The following C4orf33 variants were observed in gnomAD, a reference collection of about 807,000 sequenced individuals.
C4orf33 encodes the protein UPF0462 protein C4orf33.
Under a neutral mutation model 24.3 loss-of-function variants are expected in C4orf33, and 20 were observed. The observed-to-expected ratio is 0.82, with a 90% CI of 0.58 to 1.19. The LOEUF (loss-of-function observed/expected upper bound fraction) is 1.19. C4orf33 is among the 50% of genes most tolerant of loss of function. The probability of loss-of-function intolerance (pLI) is 0.00; values close to 1 mark genes in which losing one functional copy is unlikely to be tolerated. For synonymous variants in C4orf33, 67 were observed against 76.4 expected (o/e 0.88, Z 0.64); for missense variants, 207 against 225.9 (o/e 0.92, Z 0.54).
chr4:129,111,957 G>C lies in C4orf33; in HGVS notation c.*166G>C. On this transcript the variant is annotated 3_prime_UTR_variant, in exon 6 of 6. Transcript: ENST00000425929. ...GTGGCAAATTGTATATGATTAACAAGAAAATATATGATTCTTTGTAGATGA... is the reference window on the plus strand; with the variant it reads ...GTGGCAAATTGTATATGATTAACAACAAAATATATGATTCTTTGTAGATGA... 1 of 493,562 alleles carries C rather than the reference G, an allele frequency of 2.0e-6. No homozygotes were observed. Among genetic ancestry groups the C allele is most frequent in the Non-Finnish European group, 3.6e-6 (1 of 274,676 alleles). 30.6% of individuals were successfully genotyped at this position (493,562 alleles called of 1,614,324 possible). A position where few individuals can be genotyped will look rare whatever the true frequency, so the allele number is the denominator to read the frequency against.
At chr4:129,105,104 A>G (rs1321097718) in intron 2 of C4orf33, among the ~76,000 whole-genome samples, 1 of 152,038 alleles carries the variant, frequency 6.6e-6, no homozygotes, top group African/African-American at 2.4e-5. Flanking sequence ...TTAAGAAATT[A>G]GTTCACACAA....
chr4:129,099,889 T>C (rs886197798), intron 1 of C4orf33, among the ~76,000 whole-genome samples: 1 of 152,120 alleles, frequency 6.6e-6, no homozygotes, highest in African/African-American at 2.4e-5. Context: ...TATGCATTCT[T>C]AGATTGACGT....
chr4:129,111,828 A>G lies in C4orf33; in HGVS notation c.*37A>G. The G allele has an allele frequency of 2.5e-6, 3 of 1,205,810 alleles. No homozygotes were observed. The South Asian group carries it at 4.0e-5, about 16-fold the overall frequency. 74.7% of individuals were successfully genotyped at this position (1,205,810 alleles called of 1,614,324 possible). ...AACCATACCGATCATTTTTTCCTCT[A>G]TACCTTTTAAGATAAACAAAAAATA... On this transcript the variant is annotated 3_prime_UTR_variant, in exon 6 of 6. Coordinates refer to ENST00000425929, the MANE Select transcript of C4orf33 (RefSeq NM_001099783.2).
chr4:129,115,703 C>T lies in C4orf33; in HGVS notation c.*3912C>T, dbSNP rs887388741. On this transcript the variant is annotated 3_prime_UTR_variant, in exon 6 of 6. Coordinates refer to ENST00000425929, the MANE Select transcript of C4orf33 (RefSeq NM_001099783.2). ...AGAATCACATTCCAAAATTAATGCA[C>T]TGCACACAACCCTCTGCTTTTGTCA... The T allele has an allele frequency of 1.3e-5, 2 of 151,496 alleles. No homozygotes were observed. Among genetic ancestry groups the T allele is most frequent in the Non-Finnish European group, 2.9e-5 (2 of 67,928 alleles). The allele number at this position is 151,496 out of a possible 1,614,324, so 9.4% of individuals were successfully genotyped here. A position where few individuals can be genotyped will look rare whatever the true frequency, so the allele number is the denominator to read the frequency against.
chr4:129,111,491 A>T (rs1404230429), intron 5 of C4orf33, among the ~76,000 whole-genome samples, 195 bp from the exon 6 acceptor site: 1 of 152,250 alleles, frequency 6.6e-6, no homozygotes, highest in Non-Finnish European at 1.5e-5. Flanking sequence ...TTTGAGATGC[A>T]GGTGAATGTT....
rs1753726132 is a variant in C4orf33, at chr4:129,113,293, T to G, written c.*1502T>G. 1 of 152,204 alleles carries G rather than the reference T, an allele frequency of 6.6e-6. No individual in the cohort carries two copies. The highest frequency in any genetic ancestry group is 6.5e-5 in the Admixed American group (1 of 15,274). 9.4% of individuals were successfully genotyped at this position (152,204 alleles called of 1,614,324 possible). On this transcript the variant is annotated 3_prime_UTR_variant, in exon 6 of 6. Coordinates refer to ENST00000425929, the MANE Select transcript of C4orf33 (RefSeq NM_001099783.2). ...ATCTCTTAACTTTCTTTCATCTAGATAAGGCATTTCCTTTTCTTCCAATAC... is the reference window on the plus strand; with the variant it reads ...ATCTCTTAACTTTCTTTCATCTAGAGAAGGCATTTCCTTTTCTTCCAATAC...
At chr4:129,108,164 C>T (rs184839721) in intron 3 of C4orf33, among the ~76,000 whole-genome samples, 1 of 152,146 alleles carries the variant, frequency 6.6e-6, no homozygotes, top group African/African-American at 2.4e-5. Context: ...TAAAAATAAT[C>T]AGAAGACTTT....
chr4:129,097,197 G>A (rs920610453), intron 1 of C4orf33, among the ~76,000 whole-genome samples: 9 of 152,250 alleles, frequency 5.9e-5, no homozygotes, highest in African/African-American at 1.9e-4. Context: ...GTGAGCCACC[G>A]CGCCCGGCCA....
intron 1 of C4orf33, among the ~76,000 whole-genome samples, chr4:129,100,381 T>A (rs1426653424): frequency 6.6e-6 from 1 of 151,978 alleles, no homozygotes; most frequent in African/African-American, 2.4e-5. Context: ...GTGCATTTTA[T>A]GTGTGGCCCA....
chr4:129,102,901 A>G, intron 2 of C4orf33, 110 bp downstream of exon 2: 3 of 903,934 alleles, frequency 3.3e-6, no homozygotes, highest in South Asian at 2.0e-5. Flanking sequence ...TGAGCAATTG[A>G]CATGTACAGT....
intron 2 of C4orf33, among the ~76,000 whole-genome samples, chr4:129,105,061 T>TTA (rs1753476255): frequency 6.6e-6 from 1 of 151,968 alleles, no homozygotes; most frequent in Non-Finnish European, 1.5e-5. Context: ...CCTATCTATT[T>TTA]TATATATATG....
rs1554010285 is a variant in C4orf33 at position 129,115,807 on chromosome 4, T to TATATATATATATATATATATA, written c.*4017_*4037dup. 1 of 73,938 alleles carries TATATATATATATATATATATA rather than the reference T, an allele frequency of 1.4e-5. No individual in the cohort carries two copies. The highest frequency in any genetic ancestry group is 4.4e-5 in the African/African-American group (1 of 22,672). 4.6% of individuals were successfully genotyped at this position (73,938 alleles called of 1,614,324 possible). A position where few individuals can be genotyped will look rare whatever the true frequency, so the allele number is the denominator to read the frequency against. The stretch of plus-strand genomic sequence containing the variant: ...CTAACAAATCTTCTAACTAAATATA[T>TATATATATATATATATATATA]ATATATATATATATATATATATAAA... On this transcript the variant is annotated 3_prime_UTR_variant, in exon 6 of 6. Transcript: ENST00000425929.
At chr4:129,101,049 A>G (rs1753335608) in intron 1 of C4orf33, among the ~76,000 whole-genome samples, 2 of 152,228 alleles carry the variant, frequency 1.3e-5, no homozygotes, top group African/African-American at 2.4e-5. Flanking sequence ...GCTTCTATCA[A>G]TAATGAAGAA....
chr4:129,097,917 G>A (rs966243896), intron 1 of C4orf33, among the ~76,000 whole-genome samples: 2 of 152,114 alleles, frequency 1.3e-5, no homozygotes, highest in Non-Finnish European at 2.9e-5. Flanking sequence ...CATTATAAGT[G>A]AACATTTTGC....
intron 1 of C4orf33, among the ~76,000 whole-genome samples, chr4:129,099,927 A>T (rs578115917): frequency 1.2e-3 from 171 of 146,828 alleles, no homozygotes; most frequent in Admixed American, 2.7e-3. Context: ...TATAAAGTTT[A>T]AAAAAAAAAA....
chr4:129,097,285 T>A (rs1753235692), intron 1 of C4orf33, among the ~76,000 whole-genome samples: 1 of 152,218 alleles, frequency 6.6e-6, no homozygotes, highest in Non-Finnish European at 1.5e-5. Flanking sequence ...GATAGGTTTT[T>A]AAAAAGTGAT....
In C4orf33 at chr4:129,106,606, G is replaced by A. The variant is rs1753524504; in HGVS notation, c.201G>A (p.Leu67=). ...WDYEVVEAFF[L]NDITEQYLEV... ...CAAAAGTTGTGGAAGCATTTTTCTT[G>A]AATGATATAACTGAGCAATATTTAG... The change falls in exon 3 of 6, where the codon TTG becomes TTA. Residue 67 remains leucine, a synonymous_variant. Coordinates refer to ENST00000425929, the MANE Select transcript of C4orf33 (RefSeq NM_001099783.2). The A allele has an allele frequency of 6.5e-7, 1 of 1,545,590 alleles. No homozygotes were observed. Among genetic ancestry groups the A allele is most frequent in the Non-Finnish European group, 8.8e-7 (1 of 1,132,658 alleles).
chr4:129,095,303 C>A (rs1463434272), upstream of C4orf33, among the ~76,000 whole-genome samples: 1 of 152,126 alleles, frequency 6.6e-6, no homozygotes, highest in Non-Finnish European at 1.5e-5. Context: ...AGGTAGGTGC[C>A]ACCTTAGTAC....
intron 3 of C4orf33, among the ~76,000 whole-genome samples, chr4:129,108,900 T>C (rs997498767): frequency 6.6e-6 from 1 of 152,180 alleles, no homozygotes; most frequent in African/African-American, 2.4e-5. Context: ...GCATCTTTTT[T>C]TTTTTGAGAC....
Sources: allele counts gnomAD v4.1 joint callset (sites outside exome capture counted in the v4.1 genomes callset), GRCh38; gene constraint gnomAD v4.1.1; transcripts MANE v1.5; gene names NCBI Gene and HGNC (gene_info 2026-07-23, HGNC 2026-07-21).